The following SLC44A3 variants were observed in gnomAD, a reference collection of about 807,000 sequenced individuals.
The protein encoded by SLC44A3 is choline transporter-like protein 3.
In SLC44A3, 74 loss-of-function variants were observed where a neutral mutation model predicts 75.4. That is an observed-to-expected ratio of 0.98 (90% CI 0.81 to 1.19). SLC44A3 has a LOEUF of 1.19. Among genes scored for constraint, SLC44A3 ranks in the 50% most tolerant of loss-of-function variants. The pLI, the probability that SLC44A3 is intolerant of heterozygous loss-of-function variation, is 0.00. For synonymous variants in SLC44A3, 310 were observed against 296.9 expected (o/e 1.04, Z -0.45); for missense variants, 700 against 778.6 (o/e 0.90, Z 1.20).
chr1:94,884,769 G>T (rs532811507), intron 12 of SLC44A3, among the ~76,000 whole-genome samples: 16 of 152,254 alleles, frequency 1.1e-4, no homozygotes, highest in African/African-American at 3.9e-4. Flanking sequence ...ATGGACAAAA[G>T]GCTGAGCTGT....
At chr1:94,850,756 T>C (rs1481728708) in intron 9 of SLC44A3, among the ~76,000 whole-genome samples, 1 of 152,226 alleles carries the variant, frequency 6.6e-6, no homozygotes, top group Non-Finnish European at 1.5e-5. Flanking sequence ...ACCATATGTA[T>C]TTTTTATGTT....
At chr1:94,844,560 G>A (rs139314797) in intron 8 of SLC44A3, among the ~76,000 whole-genome samples, 1 of 152,296 alleles carries the variant, frequency 6.6e-6, no homozygotes, top group East Asian at 1.9e-4. Context: ...AGTGGACAAG[G>A]GATCTAATGC....
intron 9 of SLC44A3, among the ~76,000 whole-genome samples, chr1:94,852,417 A>G (rs1056254970): frequency 1.3e-5 from 2 of 152,188 alleles, no homozygotes; most frequent in Non-Finnish European, 2.9e-5. Context: ...AAGGGGAAAC[A>G]TCCCAGGCAC....
In SLC44A3 at chr1:94,888,737, C is replaced by CTTTTTTTTTTTTTTTTTTT. The variant is rs397697702; in HGVS notation, c.1483-2383_1483-2382insTTTTTTTTTTTTTTTTTTT. The stretch of plus-strand genomic sequence containing the variant: ...AGGGATATGGTTTCCAGCCTTTTGT[C>CTTTTTTTTTTTTTTTTTTT]TTTTTTTTTTGAGGCGGAGTCTCGC... On this transcript the variant is annotated intron_variant, in intron 12 of 14. Transcript: ENST00000271227. 5 of 655,324 alleles carry CTTTTTTTTTTTTTTTTTTT rather than the reference C, an allele frequency of 7.6e-6. No homozygotes were observed. In the African/African-American group the frequency reaches 8.3e-5, roughly 11 times the overall value. The allele number at this position is 655,324 out of a possible 1,614,324, so 40.6% of individuals were successfully genotyped here.
In SLC44A3 at chr1:94,820,372, C is replaced by A. The variant is rs1057182154; in HGVS notation, c.-80C>A. 7.3e-7 allele frequency: 1 copy of A among 1,370,028 alleles called. No homozygotes were observed. The highest frequency in any genetic ancestry group is 9.4e-7 in the Non-Finnish European group (1 of 1,065,248). 84.9% of individuals were successfully genotyped at this position (1,370,028 alleles called of 1,614,324 possible). ...CCCCAGCCCCAGCCCCGGCCCCGGC[C>A]CCGGCTCGCGGGCGCTGCGTCTCCG... On this transcript the variant is annotated 5_prime_UTR_variant, in exon 1 of 15. Coordinates refer to ENST00000271227, the MANE Select transcript of SLC44A3 (RefSeq NM_001114106.3).
chr1:94,882,375 T>C (rs1173270664), intron 12 of SLC44A3, among the ~76,000 whole-genome samples: 1 of 152,134 alleles, frequency 6.6e-6, no homozygotes. Context: ...GACGAGCCCA[T>C]CTATGTCATC....
chr1:94,882,648 T>C (rs1158440194), intron 12 of SLC44A3, among the ~76,000 whole-genome samples: 2 of 152,102 alleles, frequency 1.3e-5, no homozygotes, highest in Non-Finnish European at 2.9e-5. Context: ...TTAGGAATCA[T>C]TGTTCTGGTG....
In SLC44A3 at chr1:94,827,510, CGT is replaced by C. The variant is rs1661530746; in HGVS notation, c.285_286del (p.Phe96LeufsTer26). 6.2e-7 allele frequency: 1 copy of C among 1,614,070 alleles called. No individual in the cohort carries two copies. Among genetic ancestry groups the C allele is most frequent in the Non-Finnish European group, 8.5e-7 (1 of 1,180,030 alleles). On this transcript the variant is annotated frameshift_variant, in exon 4 of 15. Transcript: ENST00000271227. LOFTEE classifies it high-confidence loss of function. ...SGQDMTLKKH[V>X]FFMNSCNLEV... ...TTCTGTTTCATCTATTTCCTAGACACGTGTTCTTTATGAATTCCTGCAACCTG... is the reference window on the plus strand; with the variant it reads ...TTCTGTTTCATCTATTTCCTAGACACGTTCTTTATGAATTCCTGCAACCTG...
At chr1:94,830,054 G>A (rs1371701336) in intron 5 of SLC44A3, among the ~76,000 whole-genome samples, 1 of 152,206 alleles carries the variant, frequency 6.6e-6, no homozygotes, top group Non-Finnish European at 1.5e-5. Flanking sequence ...GAACTAGCAG[G>A]TGCTCACAAA....
At chr1:94,842,191 T>G in intron 8 of SLC44A3, 67 bp downstream of exon 8, 1 of 1,495,562 alleles carries the variant, frequency 6.7e-7, no homozygotes, top group Non-Finnish European at 8.9e-7. Flanking sequence ...AATCATTGAA[T>G]TCTAGCCAAA....
chr1:94,845,536 T>G (rs1664298108), intron 9 of SLC44A3, 72 bp downstream of exon 9: 1 of 1,445,448 alleles, frequency 6.9e-7, no homozygotes, highest in Non-Finnish European at 9.2e-7. Context: ...ACCACTGGCC[T>G]GTTTCTGTAG....
rs769232801 is a variant in SLC44A3, at chr1:94,864,753, G to C, written c.1249G>C (p.Asp417His). 3 of 1,611,562 alleles carry C rather than the reference G, an allele frequency of 1.9e-6. No homozygotes were observed. Among genetic ancestry groups the C allele is most frequent in the Non-Finnish European group, 2.5e-6 (3 of 1,179,016 alleles). The change falls in exon 11 of 15, where the codon GAT becomes CAT. Residue 417 changes from aspartate (D) to histidine (H), a missense_variant. Physicochemically the swap from Asp to His is moderately conservative, Grantham distance 81. Coordinates refer to ENST00000271227, the MANE Select transcript of SLC44A3 (RefSeq NM_001114106.3). ...VTCYFNRSKN[D>H]PPDHPILSSL... ...TTTCCCTATTTCCAGAAGTAAAAAT[G>C]ATCCTCCTGATCATCCCATCCTTTC...
At chr1:94,886,327 T>G (rs1295835300) in intron 12 of SLC44A3, among the ~76,000 whole-genome samples, 1 of 152,188 alleles carries the variant, frequency 6.6e-6, no homozygotes, top group Non-Finnish European at 1.5e-5. Context: ...AGGCACAGGC[T>G]GAAAATCGTG....
intron 12 of SLC44A3, among the ~76,000 whole-genome samples, chr1:94,872,419 T>TA (rs1667858449): frequency 6.6e-6 from 1 of 152,126 alleles, no homozygotes; most frequent in African/African-American, 2.4e-5. Context: ...TTCTTTTTTT[T>TA]TTTAAATCAC....
intron 2 of SLC44A3, 43 bp downstream of exon 2, chr1:94,821,099 G>T: frequency 6.7e-7 from 1 of 1,482,310 alleles, no homozygotes. Flanking sequence ...GAGTGTGTGT[G>T]CACGTCTGGA....
chr1:94,839,882 G>A (rs1663348217), intron 6 of SLC44A3, 66 bp from the exon 7 acceptor site: 1 of 1,147,338 alleles, frequency 8.7e-7, no homozygotes, highest in Non-Finnish European at 1.3e-6. Flanking sequence ...TGTCATCGCA[G>A]TACTACCATC....
intron 12 of SLC44A3, among the ~76,000 whole-genome samples, chr1:94,878,325 C>T (rs1278644865): frequency 1.3e-5 from 2 of 152,060 alleles, no homozygotes; most frequent in East Asian, 1.9e-4. Flanking sequence ...TCGCTTAGTG[C>T]CCTGTCCCCA....
At chr1:94,873,606 A>G (rs1667987650) in intron 12 of SLC44A3, among the ~76,000 whole-genome samples, 1 of 152,174 alleles carries the variant, frequency 6.6e-6, no homozygotes, top group Non-Finnish European at 1.5e-5. Flanking sequence ...TCAACTTTGT[A>G]GTATCTCCAA....
chr1:94,837,258 CATG>C (rs1172619261), intron 5 of SLC44A3, among the ~76,000 whole-genome samples: 1 of 152,106 alleles, frequency 6.6e-6, no homozygotes, highest in Non-Finnish European at 1.5e-5. Flanking sequence ...TAAAGTAAAG[CATG>C]GTGACTATAG....
Sources: allele counts gnomAD v4.1 joint callset (sites outside exome capture counted in the v4.1 genomes callset), GRCh38; gene constraint gnomAD v4.1.1; transcripts MANE v1.5; gene names NCBI Gene and HGNC (gene_info 2026-07-23, HGNC 2026-07-21).